The following FBN3 variants were observed in gnomAD, a reference collection of about 807,000 sequenced individuals.
The protein encoded by FBN3 is fibrillin-3.
FBN3 carries 234 observed loss-of-function variants against 330.1 expected under a neutral mutation model. The ratio of observed to expected loss-of-function variants is 0.71; its 90% CI spans 0.64 to 0.79. FBN3 has a LOEUF of 0.79. Among genes scored for constraint, FBN3 ranks in the 30% least tolerant of loss-of-function variants. FBN3 has a pLI of 0.00. For missense variants in FBN3, 3,606 were observed against 3,886.9 expected (o/e 0.93, Z 1.92); for synonymous variants, 1,458 against 1,517.3 (o/e 0.96, Z 0.91).
rs747048168 is a variant in FBN3 at position 8,096,943 on chromosome 19, G to A, written c.5351C>T (p.Pro1784Leu). 1 of 1,613,744 alleles carries A rather than the reference G, an allele frequency of 6.2e-7. No individual in the cohort carries two copies. Among genetic ancestry groups the A allele is most frequent in the Non-Finnish European group, 8.5e-7 (1 of 1,179,990 alleles). Residue 1784 changes from proline to leucine, a missense_variant, in exon 43 of 64, where the codon CCC becomes CTC. Physicochemically the swap from Pro to Leu is moderately conservative, Grantham distance 98. Transcript: ENST00000600128. The surrounding 1 kb of genome is among the most constrained non-coding windows in gnomAD (Gnocchi z 4.6). ...GGTGCACTTGCAGCGGTAGCTACCG[G>A]GGATGTTGATGCAGTCAGCATTCTG... The part of the protein sequence containing the change: ...CQQNADCINI[P>L]GSYRCKCTRG...
At chr19:8,100,795 T>G in intron 41 of FBN3, 106 bp downstream of exon 41, 9 of 765,808 alleles carry the variant, frequency 1.2e-5, no homozygotes, top group African/African-American at 1.9e-5. Flanking sequence ...GAGGGGAGGA[T>G]GGAGGAGTGG....
rs186292767 is a variant in FBN3 at position 8,073,836 on chromosome 19, T to C, written c.7703-539A>G. On this transcript the variant is annotated intron_variant, in intron 61 of 63. Coordinates refer to ENST00000600128, the MANE Select transcript of FBN3 (RefSeq NM_032447.5). ...CTGGGACTACAGGTGTGCACCAACA[T>C]GCCTGGCTAATCTTTTAACTTTTTG... is the stretch of plus-strand genomic sequence containing the variant. Among the ~76,000 whole-genome samples the C allele has an allele frequency of 5.8e-3, 880 of 152,268 alleles. 3 individuals are homozygous for C. The highest frequency in any genetic ancestry group is 0.031 in the Middle Eastern group (9 of 294).
chr19:8,107,154 T>A (rs1439029224), intron 37 of FBN3, among the ~76,000 whole-genome samples: 1 of 140,006 alleles, frequency 7.1e-6, no homozygotes, highest in Non-Finnish European at 1.6e-5. Flanking sequence ...GAAGGATGGA[T>A]GAATGGGTAG....
At chr19:8,102,437 C>T (rs10415836) in intron 40 of FBN3, among the ~76,000 whole-genome samples, 9,192 of 151,996 alleles carry the variant, frequency 0.06, 851 homozygotes, top group African/African-American at 0.2. Context: ...AGGCTGTTTT[C>T]GAATGCCTGA....
In FBN3 at chr19:8,096,045, C is replaced by T; in HGVS notation, c.5575G>A (p.Gly1859Arg). Residue 1859 changes from glycine to arginine, a missense_variant, in exon 45 of 64, where the codon GGG becomes AGG. Coordinates refer to ENST00000600128, the MANE Select transcript of FBN3 (RefSeq NM_032447.5). This position sits in a 1 kb window ranked among gnomAD's most constrained non-coding sequence, Gnocchi z 4.6. The part of the protein sequence containing the change: ...DECDRQPCGN[G>R]TCKNIIGSYN... ...GAGCCAATGATGTTCTTGCAGGTCCCATTTCCACAAGGCTGCCGGTCACAC... is the reference window on the plus strand; with the variant it reads ...GAGCCAATGATGTTCTTGCAGGTCCTATTTCCACAAGGCTGCCGGTCACAC... 1 of 1,614,064 alleles carries T rather than the reference C, an allele frequency of 6.2e-7. No homozygotes were observed.
chr19:8,106,894 G>C (rs1230054027), intron 37 of FBN3, among the ~76,000 whole-genome samples: 1 of 151,764 alleles, frequency 6.6e-6, no homozygotes, highest in East Asian at 1.9e-4. Context: ...TGGGTGAATG[G>C]GGGATAGATG....
chr19:8,111,541 T>C lies in FBN3; in HGVS notation c.4084+107A>G, dbSNP rs113595034. ...CTCTCCAGCACCCACAGAGCGGCGA[T>C]TGAGTCAGAAGGAGTCAGGAGGTCG... On this transcript the variant is annotated intron_variant, in intron 32 of 63. Transcript: ENST00000600128. The C allele has an allele frequency of 6.8e-4, 856 of 1,266,264 alleles. 2 individuals are homozygous for C. In the African/African-American group the frequency reaches 0.011, roughly 16 times the overall value. 78.4% of individuals were successfully genotyped at this position (1,266,264 alleles called of 1,614,324 possible).
chr19:8,088,023 G>A (rs200739550), intron 52 of FBN3, 37 bp downstream of exon 52: 145 of 1,614,104 alleles, frequency 9.0e-5, no homozygotes, highest in African/African-American at 1.3e-4. Context: ...AGGCATCTCC[G>A]TCACACGGCC....
intron 56 of FBN3, among the ~76,000 whole-genome samples, chr19:8,084,265 C>A (rs756227343): frequency 1.3e-5 from 2 of 152,184 alleles, no homozygotes; most frequent in Non-Finnish European, 2.9e-5. Flanking sequence ...CCGCTGGCTC[C>A]CTCTCACTGC....
Position 8,149,102 on chromosome 19 carries a change from G to A in FBN3, c.-18+347C>T, listed in dbSNP as rs951672842. ...GTGGAGGCTGAGGGCCAAACAGCGAGGGATACCAAGCTTCGCCGACGGGGA... is the reference window on the plus strand; with the variant it reads ...GTGGAGGCTGAGGGCCAAACAGCGAAGGATACCAAGCTTCGCCGACGGGGA... On this transcript the variant is annotated intron_variant, in intron 1 of 63. Transcript: ENST00000600128. The surrounding 1 kb of genome is among the most constrained non-coding windows in gnomAD (Gnocchi z 5.5). Among the ~76,000 whole-genome samples, 3 of 152,196 alleles carry A rather than the reference G, an allele frequency of 2.0e-5. No homozygotes were observed. The highest frequency in any genetic ancestry group is 7.2e-5 in the African/African-American group (3 of 41,464).
intron 54 of FBN3, 51 bp from the exon 55 acceptor site, chr19:8,086,376 C>A: frequency 6.6e-7 from 1 of 1,521,724 alleles, no homozygotes; most frequent in Non-Finnish European, 9.0e-7. Context: ...AGGCAGCCAG[C>A]CTCTCCCACA....
chr19:8,126,964 G>T, intron 18 of FBN3, 132 bp from the exon 19 acceptor site: 1 of 991,784 alleles, frequency 1.0e-6, no homozygotes, highest in Non-Finnish European at 1.4e-6. Flanking sequence ...CATGCAGAGG[G>T]CACTGGAATC....
intron 40 of FBN3, among the ~76,000 whole-genome samples, chr19:8,101,282 G>A (rs185305889): frequency 2.0e-5 from 3 of 152,148 alleles, no homozygotes; most frequent in Admixed American, 6.5e-5. Flanking sequence ...GAGCCACGAC[G>A]TCTGGTTTTT....
In FBN3 at chr19:8,129,370, G is replaced by GGCAGGAGGAGGGTGTGTCAGCAGCA; in HGVS notation, c.2045-30_2045-6dup. ...CCAGAGCACACTCGTTGATGTCTGCGGCAGGAGGAGGGTGTGTCAGCAGCA... is the reference window on the plus strand; with the variant it reads ...CCAGAGCACACTCGTTGATGTCTGCGGCAGGAGGAGGGTGTGTCAGCAGCAGCAGGAGGAGGGTGTGTCAGCAGCA... On this transcript the variant is annotated splice_region_variant and splice_polypyrimidine_tract_variant and intron_variant, in intron 16 of 63. Transcript: ENST00000600128. This position sits in a 1 kb window ranked among gnomAD's most constrained non-coding sequence, Gnocchi z 4.5. 6.2e-7 allele frequency: 1 copy of GGCAGGAGGAGGGTGTGTCAGCAGCA among 1,613,662 alleles called. No homozygotes were observed. Among genetic ancestry groups the GGCAGGAGGAGGGTGTGTCAGCAGCA allele is most frequent in the Non-Finnish European group, 8.5e-7 (1 of 1,179,826 alleles).
At chr19:8,132,372 C>T (rs970798078) in intron 14 of FBN3, among the ~76,000 whole-genome samples, 19 of 151,000 alleles carry the variant, frequency 1.3e-4, no homozygotes, top group Non-Finnish European at 2.5e-4. Context: ...GTAGAAATGG[C>T]GTCTGACTAT....
chr19:8,088,271 G>T, intron 51 of FBN3, 92 bp from the exon 52 acceptor site: 2 of 1,460,054 alleles, frequency 1.4e-6, no homozygotes, highest in Non-Finnish European at 1.8e-6. Context: ...ACCACAGATC[G>T]GAGGGGGCCA....
Position 8,085,382 on chromosome 19 carries a change from G to T in FBN3, c.7068C>A (p.Gly2356=). 1 of 1,580,434 alleles carries T rather than the reference G, an allele frequency of 6.3e-7. No individual in the cohort carries two copies. The part of the protein sequence containing the change: ...AYRKLCPHGS[G]YTAEGRDVDE... ...ACCCACCTCGGCCCTCAGCAGTGTA[G>T]CCTGAGCCATGGGGGCACAGCTTCC... Residue 2356 remains glycine, a synonymous_variant, in exon 56 of 64, where the codon GGC becomes GGA. Transcript: ENST00000600128.
Position 8,138,213 on chromosome 19 carries a change from G to T in FBN3, c.1129C>A (p.Pro377Thr), listed in dbSNP as rs1397740341. The change falls in exon 10 of 64, where the codon CCA becomes ACA. Residue 377 changes from proline to threonine, a missense_variant. By Grantham distance (38) the Pro-to-Thr change is conservative. Transcript: ENST00000600128. Reference protein sequence around the residue: ...GSNGMGPPLGPARLNPHGSDA... With the variant: ...GSNGMGPPLGTARLNPHGSDA... ...GAGCCATGGGGGTTGAGTCGCGCTG[G>T]CCCAAGAGGGGGACCCATGCCATTG... 1 of 1,612,468 alleles carries T rather than the reference G, an allele frequency of 6.2e-7. No individual in the cohort carries two copies. The highest frequency in any genetic ancestry group is 1.7e-5 in the Admixed American group (1 of 59,340).
At chr19:8,079,751 G>A (rs1036690294) in intron 59 of FBN3, among the ~76,000 whole-genome samples, 7 of 151,838 alleles carry the variant, frequency 4.6e-5, no homozygotes, top group African/African-American at 7.3e-5. Flanking sequence ...CACCACACCC[G>A]GCTAATTTTT....
Sources: gnomAD v4.1 joint callset for allele counts (sites outside exome capture counted in the v4.1 genomes callset) on GRCh38, gnomAD v4.1.1 for gene constraint, Gnocchi (gnomAD v3.1) non-coding constraint, MANE v1.5 for transcripts, NCBI Gene and HGNC (gene_info 2026-07-23, HGNC 2026-07-21) for gene names.